Variants in ADAMTS20 observed in about 807,000 individuals in gnomAD.
ADAMTS20 encodes the protein ADAM metallopeptidase with thrombospondin type 1 motif 20, also known as A disintegrin and metalloproteinase with thrombospondin motifs 20.
In ADAMTS20, 225 loss-of-function variants were observed where a neutral mutation model predicts 260.1. The observed-to-expected ratio is 0.87, with a 90% CI of 0.78 to 0.97. The LOEUF is 0.97. Among genes scored for constraint, ADAMTS20 ranks in the 50% least tolerant of loss-of-function variants. The probability of loss-of-function intolerance (pLI) is 0.00; values close to 1 mark genes in which losing one functional copy is unlikely to be tolerated. For missense variants in ADAMTS20, 2,400 were observed against 2,337.7 expected (o/e 1.03, Z -0.55); for synonymous variants, 802 against 769.5 (o/e 1.04, Z -0.70).
chr12:43,383,774 G>A (rs1940408484), intron 30 of ADAMTS20, 30 bp downstream of exon 30: 1 of 1,613,412 alleles, frequency 6.2e-7, no homozygotes. Context: ...TATATGCAGT[G>A]TCTTTGAAAA....
chr12:43,373,834 T>G (rs1054780128), intron 36 of ADAMTS20, among the ~76,000 whole-genome samples: 1 of 150,872 alleles, frequency 6.6e-6, no homozygotes, highest in Non-Finnish European at 1.5e-5. Flanking sequence ...CGCCCGCCAC[T>G]ACGCCCGGCT....
intron 3 of ADAMTS20, among the ~76,000 whole-genome samples, chr12:43,514,017 A>G (rs760131735): frequency 2.3e-4 from 35 of 150,316 alleles, no homozygotes; most frequent in Non-Finnish European, 4.9e-4. Flanking sequence ...ATATGTAACT[A>G]ACCTGCAGGT....
intron 3 of ADAMTS20, among the ~76,000 whole-genome samples, chr12:43,521,284 C>A (rs1391897288): frequency 6.6e-6 from 1 of 152,172 alleles, no homozygotes; most frequent in Non-Finnish European, 1.5e-5. Flanking sequence ...TCTGCTGAAA[C>A]TAAAAACCCT....
chr12:43,539,300 T>C (rs970120425), intron 2 of ADAMTS20, among the ~76,000 whole-genome samples: 1 of 152,166 alleles, frequency 6.6e-6, no homozygotes, highest in Non-Finnish European at 1.5e-5. Context: ...GTCTAGGATA[T>C]AGTTATATGA....
intron 2 of ADAMTS20, among the ~76,000 whole-genome samples, chr12:43,536,736 A>G (rs1943300554): frequency 6.6e-6 from 1 of 152,362 alleles, no homozygotes; most frequent in African/African-American, 2.4e-5. Flanking sequence ...TGTGCCAGCT[A>G]GGAGATACAG....
chr12:43,384,349 C>T (rs1418335933), intron 29 of ADAMTS20, among the ~76,000 whole-genome samples: 1 of 152,148 alleles, frequency 6.6e-6, no homozygotes, highest in Non-Finnish European at 1.5e-5. Context: ...TTAGACTATA[C>T]TCATTATCTC....
At chr12:43,529,636 G>C (rs1413733576) in intron 3 of ADAMTS20, among the ~76,000 whole-genome samples, 1 of 152,110 alleles carries the variant, frequency 6.6e-6, no homozygotes, top group Non-Finnish European at 1.5e-5. Context: ...TGATATAATG[G>C]ACTTTGGAGA....
chr12:43,462,935 T>A lies in ADAMTS20; in HGVS notation c.1574A>T (p.His525Leu). 6.2e-7 allele frequency: 1 copy of A among 1,609,624 alleles called. No homozygotes were observed. The highest frequency in any genetic ancestry group is 8.5e-7 in the Non-Finnish European group (1 of 1,177,800). Residue 525 changes from histidine (H) to leucine (L), a missense_variant, in exon 11 of 39, where the codon CAC becomes CTC. His to Leu is a moderately conservative substitution (Grantham distance 99). Coordinates refer to ENST00000389420, the MANE Select transcript of ADAMTS20 (RefSeq NM_025003.5). ...GTCTGTTCCATCTGCTGGTGGCACG[T>A]GTTGAGTGAAACAGCCTTTGTGAAG... ...EKLHKGCFTQ[H>L]VPPADGTDCG... is the part of the protein sequence containing the mutation.
intron 2 of ADAMTS20, among the ~76,000 whole-genome samples, chr12:43,548,068 T>C (rs1483714498): frequency 6.6e-6 from 1 of 152,166 alleles, no homozygotes; most frequent in Non-Finnish European, 1.5e-5. Flanking sequence ...TCCACCAATA[T>C]ATGAAACAAC....
At chr12:43,389,421 C>A (rs1940550896) in intron 29 of ADAMTS20, among the ~76,000 whole-genome samples, 1 of 152,192 alleles carries the variant, frequency 6.6e-6, no homozygotes, top group East Asian at 1.9e-4. Flanking sequence ...GCAGAGCCAA[C>A]AACAGTAAAT....
chr12:43,436,681 C>T (rs1254218815), intron 18 of ADAMTS20, among the ~76,000 whole-genome samples: 2 of 152,134 alleles, frequency 1.3e-5, no homozygotes, highest in Non-Finnish European at 2.9e-5. Context: ...GCATAAGACA[C>T]AGCTGAGAAA....
chr12:43,460,953 G>A (rs1592080944), intron 11 of ADAMTS20, among the ~76,000 whole-genome samples: 1 of 113,298 alleles, frequency 8.8e-6, no homozygotes, highest in South Asian at 3.6e-4. Flanking sequence ...TAGATAAGAG[G>A]CACAACTAAA....
intron 14 of ADAMTS20, among the ~76,000 whole-genome samples, chr12:43,450,560 ATTATT>A (rs1415094582): frequency 6.6e-6 from 1 of 152,126 alleles, no homozygotes; most frequent in African/African-American, 2.4e-5. Context: ...TCCGACTTAA[ATTATT>A]TTAATTCTCT....
chr12:43,392,584 G>A (rs1398539572), intron 29 of ADAMTS20, among the ~76,000 whole-genome samples: 1 of 152,028 alleles, frequency 6.6e-6, no homozygotes, highest in Non-Finnish European at 1.5e-5. Flanking sequence ...AAATCAGTAT[G>A]GTTTTAGATT....
At chr12:43,451,682 C>T (rs1419066365) in intron 14 of ADAMTS20, among the ~76,000 whole-genome samples, 1 of 152,068 alleles carries the variant, frequency 6.6e-6, no homozygotes, top group Non-Finnish European at 1.5e-5. Flanking sequence ...TCCATGCTAC[C>T]TTGCAGATGA....
intron 28 of ADAMTS20, among the ~76,000 whole-genome samples, chr12:43,412,438 C>T (rs1417369936): frequency 6.6e-6 from 1 of 152,066 alleles, no homozygotes; most frequent in African/African-American, 2.4e-5. Flanking sequence ...ATCTTTAGTC[C>T]CACAAAAATA....
chr12:43,517,395 A>G (rs1242188073), intron 3 of ADAMTS20, among the ~76,000 whole-genome samples: 1 of 152,100 alleles, frequency 6.6e-6, no homozygotes, highest in Non-Finnish European at 1.5e-5. Context: ...TTTATATAGA[A>G]TAAACAAAAC....
At chr12:43,542,655 T>C (rs2137523936) in intron 2 of ADAMTS20, among the ~76,000 whole-genome samples, 1 of 152,328 alleles carries the variant, frequency 6.6e-6, no homozygotes, top group Admixed American at 6.5e-5. Context: ...TTTTTCCCTA[T>C]AATAAGTTCT....
At chr12:43,435,890 T>C (rs1941545923) in intron 18 of ADAMTS20, among the ~76,000 whole-genome samples, 1 of 152,064 alleles carries the variant, frequency 6.6e-6, no homozygotes. Context: ...ATTTGAACTT[T>C]ATGCTTTCTG....
Sources: allele counts gnomAD v4.1 joint callset (sites outside exome capture counted in the v4.1 genomes callset), GRCh38; gene constraint gnomAD v4.1.1; transcripts MANE v1.5; gene names NCBI Gene and HGNC (gene_info 2026-07-23, HGNC 2026-07-21).